Variants in NPAS2 observed in about 807,000 individuals in gnomAD.
NPAS2 encodes neuronal PAS domain-containing protein 2.
NPAS2 carries 23 observed loss-of-function variants against 107.5 expected under a neutral mutation model. The observed-to-expected ratio is 0.21, with a 90% CI of 0.15 to 0.30. NPAS2 has a LOEUF of 0.30. Ranked by LOEUF, NPAS2 falls within the 10% of genes least tolerant of loss-of-function variation. NPAS2 has a pLI of 1.00. For missense variants in NPAS2, 756 were observed against 1,043.3 expected (o/e 0.72, Z 3.79); for synonymous variants, 403 against 417.5 (o/e 0.97, Z 0.42).
rs148881125 is a variant in NPAS2 at position 100,879,997 on chromosome 2, G to A, written c.-22-24736G>A. Among the ~76,000 whole-genome samples, 225 of 152,312 alleles carry A rather than the reference G, an allele frequency of 1.5e-3. 1 individual carries two copies. The highest frequency in any genetic ancestry group is 5.2e-3 in the African/African-American group (218 of 41,576). On this transcript the variant is annotated intron_variant, in intron 1 of 20. Coordinates refer to ENST00000335681, the MANE Select transcript of NPAS2 (RefSeq NM_002518.4). ...AGTCAAGAAGTGGGGAGCAACTGAA[G>A]ATATTTGGCCTGAAATGGGGGACCT...
chr2:100,951,554 C>T (rs1254803958), intron 7 of NPAS2, among the ~76,000 whole-genome samples: 3 of 152,168 alleles, frequency 2.0e-5, no homozygotes, highest in Non-Finnish European at 4.4e-5. Context: ...ACTTTGATGA[C>T]ATTATGCTGA....
intron 1 of NPAS2, among the ~76,000 whole-genome samples, chr2:100,897,819 A>G (rs746476817): frequency 6.6e-6 from 1 of 152,162 alleles, no homozygotes; most frequent in Non-Finnish European, 1.5e-5. Context: ...TGTAAGCACC[A>G]TGAGAGTAGC....
chr2:100,982,547 C>T lies in NPAS2; in HGVS notation c.1629+170C>T, dbSNP rs6761776. On this transcript the variant is annotated intron_variant, in intron 16 of 20. Coordinates refer to ENST00000335681, the MANE Select transcript of NPAS2 (RefSeq NM_002518.4). Reference sequence around the variant, plus strand: ...TCTGCAAAGGACAAGGAACAAATCCCGGTCCCCATCCCTGCCTCCAGGCCA... The same window carrying T: ...TCTGCAAAGGACAAGGAACAAATCCTGGTCCCCATCCCTGCCTCCAGGCCA... The T allele has an allele frequency of 2.2e-3, 1,595 of 737,634 alleles. 17 individuals carry two copies. The African/African-American group carries it at 0.025, about 12-fold the overall frequency. 45.7% of individuals were successfully genotyped at this position (737,634 alleles called of 1,614,324 possible).
chr2:100,904,852 C>A, intron 2 of NPAS2, 66 bp downstream of exon 2: 2 of 1,212,290 alleles, frequency 1.6e-6, no homozygotes, highest in Non-Finnish European at 2.4e-6. Flanking sequence ...CTGGCAGAAT[C>A]TCGCTGGCTT....
chr2:100,870,949 T>C (rs1429815630), intron 1 of NPAS2, among the ~76,000 whole-genome samples: 1 of 152,224 alleles, frequency 6.6e-6, no homozygotes, highest in East Asian at 1.9e-4. Flanking sequence ...ACCAGTCAAG[T>C]CTTTTATCAT....
intron 1 of NPAS2, among the ~76,000 whole-genome samples, chr2:100,871,711 C>G (rs1018880256): frequency 1.3e-5 from 2 of 152,098 alleles, no homozygotes; most frequent in Non-Finnish European, 2.9e-5. Flanking sequence ...CACTTGTCAC[C>G]TCTTCAGCTC....
At chr2:100,901,038 A>G (rs541771764) in intron 1 of NPAS2, among the ~76,000 whole-genome samples, 11 of 152,088 alleles carry the variant, frequency 7.2e-5, no homozygotes, top group African/African-American at 2.7e-4. Flanking sequence ...GTGATTTTCT[A>G]TTGCCATTGT....
At chr2:100,971,144 G>A in intron 12 of NPAS2, 70 bp downstream of exon 12, 1 of 1,435,316 alleles carries the variant, frequency 7.0e-7, no homozygotes, top group Non-Finnish European at 9.8e-7. Context: ...ACCAGTCTCT[G>A]AAACAAGGGT....
chr2:100,919,215 C>T (rs757744496), intron 2 of NPAS2, among the ~76,000 whole-genome samples: 1 of 152,086 alleles, frequency 6.6e-6, no homozygotes, highest in Non-Finnish European at 1.5e-5. Flanking sequence ...ACCGAGCTGG[C>T]CAGAGTTTTG....
chr2:100,878,726 T>C lies in NPAS2; in HGVS notation c.-22-26007T>C, dbSNP rs186587460. 8.2e-3 allele frequency: 3,567 copies of C among 435,874 alleles called. 28 individuals carry two copies. The highest frequency in any genetic ancestry group is 0.012 in the South Asian group (120 of 10,204). 27.0% of individuals were successfully genotyped at this position (435,874 alleles called of 1,614,324 possible). On this transcript the variant is annotated intron_variant, in intron 1 of 20. Transcript: ENST00000335681. ...CTGATACCCAACTATAAGGGAGAGA[T>C]GTTTACTTGTTTGAAATTCATCTGA...
chr2:100,929,903 T>A (rs1052461815), intron 3 of NPAS2, among the ~76,000 whole-genome samples: 5 of 152,244 alleles, frequency 3.3e-5, no homozygotes, highest in Non-Finnish European at 5.9e-5. Flanking sequence ...TATTTAGCTC[T>A]TTCCCCAATA....
At chr2:100,902,701 G>A (rs1681866356) in intron 1 of NPAS2, among the ~76,000 whole-genome samples, 1 of 152,188 alleles carries the variant, frequency 6.6e-6, no homozygotes, top group Non-Finnish European at 1.5e-5. Flanking sequence ...GGTTAAGATG[G>A]TAAATTTCTG....
intron 1 of NPAS2, among the ~76,000 whole-genome samples, chr2:100,843,864 G>A (rs1489525314): frequency 6.6e-6 from 1 of 152,150 alleles, no homozygotes; most frequent in African/African-American, 2.4e-5. Context: ...TTGTTCAGAT[G>A]GTTTGGCAAA....
At chr2:100,899,404 G>GT (rs1681632161) in intron 1 of NPAS2, among the ~76,000 whole-genome samples, 1 of 151,882 alleles carries the variant, frequency 6.6e-6, no homozygotes, top group African/African-American at 2.4e-5. Context: ...TGTATTTTTA[G>GT]TAGAGATGGG....
In NPAS2 at chr2:100,925,232, C is replaced by A. The variant is rs749697021; in HGVS notation, c.119C>A (p.Thr40Lys). 6.2e-7 allele frequency: 1 copy of A among 1,614,032 alleles called. No homozygotes were observed. Among genetic ancestry groups the A allele is most frequent in the South Asian group, 1.1e-5 (1 of 91,070 alleles). The stretch of plus-strand genomic sequence containing the variant: ...CTCAGTTCCATGCTCCCTGGCAACA[C>A]GCGGAAAATGGACAAAACCACCGTG... ...KELSSMLPGN[T>K]RKMDKTTVLE... The change falls in exon 3 of 21, where the codon ACG (threonine) becomes AAG (lysine). Residue 40 changes from threonine to lysine, a missense_variant. This residue lies in a region of NPAS2 where 146 missense variants were observed against 249.6 expected (regional missense o/e 0.58). Transcript: ENST00000335681.
At chr2:100,858,052 A>G (rs1358936020) in intron 1 of NPAS2, among the ~76,000 whole-genome samples, 1 of 152,218 alleles carries the variant, frequency 6.6e-6, no homozygotes, top group African/African-American at 2.4e-5. Context: ...ATAAAACATG[A>G]TTCAGTGTTA....
intron 1 of NPAS2, among the ~76,000 whole-genome samples, chr2:100,855,085 G>T (rs989845531): frequency 3.9e-5 from 6 of 152,156 alleles, no homozygotes; most frequent in African/African-American, 1.4e-4. Flanking sequence ...AGCTTTACTT[G>T]TAAAAATGTG....
chr2:100,958,595 G>A (rs139776041), intron 7 of NPAS2, among the ~76,000 whole-genome samples: 2 of 152,268 alleles, frequency 1.3e-5, no homozygotes, highest in Admixed American at 6.5e-5. Flanking sequence ...CCCCAGGAGC[G>A]TCATCCTGCA....
chr2:100,897,904 A>G (rs867144246), intron 1 of NPAS2, among the ~76,000 whole-genome samples: 24 of 152,308 alleles, frequency 1.6e-4, no homozygotes, highest in Middle Eastern at 3.4e-3. Context: ...TATCACATGC[A>G]GTTGGCACAT....
Sources: gnomAD v4.1 joint callset for allele counts (sites outside exome capture counted in the v4.1 genomes callset) on GRCh38, gnomAD v4.1.1 for gene constraint, gnomAD v4.1.1 regional missense constraint, MANE v1.5 for transcripts, NCBI Gene and HGNC (gene_info 2026-07-23, HGNC 2026-07-21) for gene names.